The following UBE2O variants were observed in gnomAD, a reference collection of about 807,000 sequenced individuals.
UBE2O encodes ubiquitin conjugating enzyme E2 O.
In UBE2O, 15 loss-of-function variants were observed where a neutral mutation model predicts 125.8. The ratio of observed to expected loss-of-function variants is 0.12; its 90% confidence interval spans 0.08 to 0.18. The LOEUF (loss-of-function observed/expected upper bound fraction) is 0.18. Among genes scored for constraint, UBE2O ranks in the 10% least tolerant of loss-of-function variants. The pLI, the probability that UBE2O is intolerant of heterozygous loss-of-function variation, is 1.00. For synonymous variants in UBE2O, 708 were observed against 703.2 expected, an observed-to-expected ratio of 1.01 and a Z score of -0.11; for missense variants, 1,280 against 1,723.6, an observed-to-expected ratio of 0.74 and a Z score of 4.56.
In UBE2O at chr17:76,391,730, G is replaced by T. The variant is rs201483522; in HGVS notation, c.3208+26C>A. 6.2e-6 allele frequency: 10 copies of T among 1,613,232 alleles called. No homozygotes were observed. Among genetic ancestry groups the T allele is most frequent in the Non-Finnish European group, 6.8e-6 (8 of 1,179,646 alleles). On this transcript the variant is annotated intron_variant, in intron 17 of 17. Coordinates refer to ENST00000319380, the MANE Select transcript of UBE2O (RefSeq NM_022066.4). This position sits in a 1 kb window ranked among gnomAD's most constrained non-coding sequence, Gnocchi z 8.4. Reference sequence around the variant, plus strand: ...TTCCTCCACCGGCCCTCCCTTGTCCGCACCCCCGCTTCAGCCCAACTGTAC... The same window carrying T: ...TTCCTCCACCGGCCCTCCCTTGTCCTCACCCCCGCTTCAGCCCAACTGTAC...
rs1423625105 is a variant in UBE2O at position 76,391,958 on chromosome 17, A to G, written c.3102T>C (p.Tyr1034=). 1 of 1,611,860 alleles carries G rather than the reference A, an allele frequency of 6.2e-7. No individual in the cohort carries two copies. Among genetic ancestry groups the G allele is most frequent in the African/African-American group, 1.3e-5 (1 of 74,874 alleles). ...QCSGRLNPNL[Y]DNGKVCVSLL... is the part of the protein sequence containing the mutation. ...GGCTGACACACACCTTCCCATTGTC[A>G]TACAGGTTGGGGTTCAGGCGGCCAC... Residue 1034 remains tyrosine (Y), a synonymous_variant, in exon 16 of 18, where the codon TAT becomes TAC. Coordinates refer to ENST00000319380, the MANE Select transcript of UBE2O (RefSeq NM_022066.4). The surrounding 1 kb of genome is among the most constrained non-coding windows in gnomAD (Gnocchi z 8.4).
At chr17:76,438,063 C>T (rs1028662147) in intron 1 of UBE2O, among the ~76,000 whole-genome samples, 1 of 152,190 alleles carries the variant, frequency 6.6e-6, no homozygotes, top group African/African-American at 2.4e-5. Context: ...AGCCACCTGG[C>T]CATGCTCATG....
Position 76,395,480 on chromosome 17 carries a change from C to T in UBE2O, c.2946+245G>A, listed in dbSNP as rs2072190425. On this transcript the variant is annotated intron_variant, in intron 15 of 17. Coordinates refer to ENST00000319380, the MANE Select transcript of UBE2O (RefSeq NM_022066.4). The surrounding 1 kb of genome is among the most constrained non-coding windows in gnomAD (Gnocchi z 5.0). ...GTGCTGGGATTACGGGTGTGAGCCACTGCGCCCGGCCGAGAAAGTAATTTT... is the reference window on the plus strand; with the variant it reads ...GTGCTGGGATTACGGGTGTGAGCCATTGCGCCCGGCCGAGAAAGTAATTTT... 2.3e-6 allele frequency: 1 copy of T among 432,328 alleles called. No homozygotes were observed. The allele number at this position is 432,328 out of a possible 1,614,324, so 26.8% of individuals were successfully genotyped here. A position where few individuals can be genotyped will look rare whatever the true frequency, so the allele number is the denominator to read the frequency against.
intron 15 of UBE2O, among the ~76,000 whole-genome samples, chr17:76,394,767 G>A (rs1456527615): frequency 6.6e-6 from 1 of 152,204 alleles, no homozygotes; most frequent in East Asian, 1.9e-4. Context: ...GTGAGGTCTG[G>A]TCAAAGGCAA....
rs923165432 is a variant in UBE2O, at chr17:76,423,162, G to A, written c.418-17590C>T. Among the ~76,000 whole-genome samples the A allele has an allele frequency of 3.9e-5, 6 of 152,162 alleles. No individual in the cohort carries two copies. In the East Asian group the frequency reaches 5.8e-4, roughly 15 times the overall value. On this transcript the variant is annotated intron_variant, in intron 1 of 17. Coordinates refer to ENST00000319380, the MANE Select transcript of UBE2O (RefSeq NM_022066.4). ...TACGGCTGAAGAGCAGGAAAAGGAG[G>A]AAGAGGTAGGTGAGGGGGTGGATGT...
At chr17:76,393,625 A>G (rs1159591179) in intron 15 of UBE2O, among the ~76,000 whole-genome samples, 1 of 152,200 alleles carries the variant, frequency 6.6e-6, no homozygotes, top group Non-Finnish European at 1.5e-5. Context: ...AGCAGTTTCA[A>G]GCTGAAAGGC....
intron 1 of UBE2O, among the ~76,000 whole-genome samples, chr17:76,448,689 G>A (rs2073187337): frequency 6.6e-6 from 1 of 152,260 alleles, no homozygotes; most frequent in Non-Finnish European, 1.5e-5. Flanking sequence ...AACGAAGGCT[G>A]AACTTGAACT....
rs1407126473 is a variant in UBE2O at position 76,396,270 on chromosome 17, C to T, written c.2667G>A (p.Glu889=). ...MEAVPDVERK[E]DKPEGQSPVK... ...CAGGTGACTGCCCCTCGGGCTTGTC[C>T]TCCTTGCGCTCTACGTCGGGCACTG... Residue 889 remains glutamate, a synonymous_variant, in exon 14 of 18, where the codon GAG becomes GAA. Coordinates refer to ENST00000319380, the MANE Select transcript of UBE2O (RefSeq NM_022066.4). The surrounding 1 kb of genome is among the most constrained non-coding windows in gnomAD (Gnocchi z 6.7). 2.5e-6 allele frequency: 4 copies of T among 1,614,126 alleles called. No homozygotes were observed. The highest frequency in any genetic ancestry group is 3.4e-6 in the Non-Finnish European group (4 of 1,180,048).
rs1478653158 is a variant in UBE2O at position 76,452,016 on chromosome 17, C to G, written c.417+709G>C. 1.3e-5 allele frequency among the ~76,000 whole-genome samples: 2 copies of G among 152,032 alleles called. No homozygotes were observed. Among genetic ancestry groups the G allele is most frequent in the Non-Finnish European group, 2.9e-5 (2 of 68,010 alleles). ...TTCCAAATTGGTGACTCCCCTCTAC[C>G]CAGGGTTCTGGATTATTTTTTTCAA... is the stretch of plus-strand genomic sequence containing the variant. On this transcript the variant is annotated intron_variant, in intron 1 of 17. Coordinates refer to ENST00000319380, the MANE Select transcript of UBE2O (RefSeq NM_022066.4). The surrounding 1 kb of genome is among the most constrained non-coding windows in gnomAD (Gnocchi z 4.4).
intron 15 of UBE2O, among the ~76,000 whole-genome samples, chr17:76,394,115 T>A (rs986731077): frequency 3.3e-5 from 5 of 152,262 alleles, no homozygotes; most frequent in Non-Finnish European, 1.5e-5. Context: ...GGACTCTGCC[T>A]AGCCCTGTTC....
intron 1 of UBE2O, among the ~76,000 whole-genome samples, chr17:76,422,755 C>T (rs2072732561): frequency 6.6e-6 from 1 of 152,224 alleles, no homozygotes; most frequent in African/African-American, 2.4e-5. Context: ...CTCTATCCAC[C>T]TGCTTTATTT....
chr17:76,405,089 T>C lies in UBE2O; in HGVS notation c.588+117A>G, dbSNP rs1027628661. On this transcript the variant is annotated intron_variant, in intron 3 of 17. Coordinates refer to ENST00000319380, the MANE Select transcript of UBE2O (RefSeq NM_022066.4). This position sits in a 1 kb window ranked among gnomAD's most constrained non-coding sequence, Gnocchi z 6.1. ...GCCAGCTGGCTGCTGTGCTCCGCCT[T>C]CTGACCCAGGAAGGCTGTGCTTGGC... 30 of 732,570 alleles carry C rather than the reference T, an allele frequency of 4.1e-5. No individual in the cohort carries two copies. The highest frequency in any genetic ancestry group is 6.2e-5 in the Non-Finnish European group (28 of 449,516). 45.4% of individuals were successfully genotyped at this position (732,570 alleles called of 1,614,324 possible).
At chr17:76,433,520 G>A (rs535345903) in intron 1 of UBE2O, among the ~76,000 whole-genome samples, 39 of 151,300 alleles carry the variant, frequency 2.6e-4, no homozygotes, top group African/African-American at 9.2e-4. Flanking sequence ...GGTGATGACC[G>A]TACAACCGTT....
intron 1 of UBE2O, among the ~76,000 whole-genome samples, chr17:76,441,626 A>C (rs942453736): frequency 6.6e-6 from 1 of 152,252 alleles, no homozygotes; most frequent in Admixed American, 6.5e-5. Context: ...AGCCAGCAGC[A>C]TCAATGTCAC....
intron 1 of UBE2O, among the ~76,000 whole-genome samples, chr17:76,423,055 G>C (rs1752223348): frequency 1.3e-5 from 2 of 152,324 alleles, no homozygotes; most frequent in South Asian, 4.1e-4. Flanking sequence ...GGGTGGCGTG[G>C]GCAGAATCCC....
At chr17:76,426,123 C>T (rs2072806432) in intron 1 of UBE2O, among the ~76,000 whole-genome samples, 1 of 152,182 alleles carries the variant, frequency 6.6e-6, no homozygotes, top group African/African-American at 2.4e-5. Flanking sequence ...TTACTTCAGC[C>T]TCCTGAGTAG....
intron 1 of UBE2O, among the ~76,000 whole-genome samples, chr17:76,429,888 T>C (rs2072876246): frequency 6.6e-6 from 1 of 152,196 alleles, no homozygotes; most frequent in African/African-American, 2.4e-5. Context: ...GGTACCTCAA[T>C]CTGGTGCATA....
intron 1 of UBE2O, among the ~76,000 whole-genome samples, chr17:76,450,082 CA>C (rs59424179): frequency 0.033 from 4,587 of 139,952 alleles, 106 homozygotes; most frequent in African/African-American, 0.07. Context: ...ACCAGTAACT[CA>C]AAAAAAAAAA....
At position 76,423,693 on chromosome 17, in the gene UBE2O, AAAATAAAT is replaced by A. The variant is rs74941845; in HGVS notation, c.418-18129_418-18122del. 7.4e-3 allele frequency among the ~76,000 whole-genome samples: 1,002 copies of A among 135,918 alleles called. 28 individuals are homozygous for A. The East Asian group carries it at 0.11, about 15-fold the overall frequency. The allele number at this position is 135,918 out of a possible 152,430, so 89.2% of individuals were successfully genotyped here. A position where few individuals can be genotyped will look rare whatever the true frequency, so the allele number is the denominator to read the frequency against. On this transcript the variant is annotated intron_variant, in intron 1 of 17. Coordinates refer to ENST00000319380, the MANE Select transcript of UBE2O (RefSeq NM_022066.4). ...GGGTGACAGAGGGACACTCCATCTC[AAAATAAAT>A]AAATAAATAAATAAATAAATAAATA...
Sources: gnomAD v4.1 joint callset for allele counts (sites outside exome capture counted in the v4.1 genomes callset) on GRCh38, gnomAD v4.1.1 for gene constraint, Gnocchi (gnomAD v3.1) non-coding constraint, MANE v1.5 for transcripts, NCBI Gene and HGNC (gene_info 2026-07-23, HGNC 2026-07-21) for gene names.